The following RPRD1A variants were observed in gnomAD, a reference collection of about 807,000 sequenced individuals.
RPRD1A encodes the protein regulation of nuclear pre-mRNA domain containing 1A.
RPRD1A carries 9 observed loss-of-function variants against 37.8 expected under a neutral mutation model. That is an observed-to-expected ratio of 0.24 (90% confidence interval 0.14 to 0.42). RPRD1A has a LOEUF of 0.42. RPRD1A is among the 10% of genes least tolerant of loss of function. RPRD1A has a pLI of 1.00. For missense variants in RPRD1A, 255 were observed against 371.0 expected (o/e 0.69, Z 2.57); for synonymous variants, 138 against 139.7 (o/e 0.99, Z 0.08).
In RPRD1A at chr18:36,015,213, C is replaced by CTT. The variant is rs1198425451; in HGVS notation, c.789+11685_789+11686dup. On this transcript the variant is annotated intron_variant, in intron 6 of 6. Coordinates refer to ENST00000399022, the MANE Select transcript of RPRD1A (RefSeq NM_018170.5). ...ACACACACACACACACATTCACATA[C>CTT]TTTTTTTTTTTTTTTTTGAGACAGA... Among the ~76,000 whole-genome samples, 30 of 131,320 alleles carry CTT rather than the reference C, an allele frequency of 2.3e-4. 1 individual carries two copies. In the Middle Eastern group the frequency reaches 0.012, roughly 53 times the overall value. The allele number at this position is 131,320 out of a possible 152,430, so 86.2% of individuals were successfully genotyped here.
rs1336215714 is a variant in RPRD1A, at chr18:35,991,480, TAGTA to T, written c.*1667_*1670del. 1 of 152,210 alleles carries T rather than the reference TAGTA, an allele frequency of 6.6e-6. No homozygotes were observed. The highest frequency in any genetic ancestry group is 1.5e-5 in the Non-Finnish European group (1 of 68,044). 9.4% of individuals were successfully genotyped at this position (152,210 alleles called of 1,614,324 possible). The stretch of plus-strand genomic sequence containing the variant: ...ACAAATGCTGGTCAGGATCTATGAT[TAGTA>T]ACCTGTGAACCACGTTACAAGTGAA... On this transcript the variant is annotated 3_prime_UTR_variant, in exon 7 of 7. Coordinates refer to ENST00000399022, the MANE Select transcript of RPRD1A (RefSeq NM_018170.5).
At chr18:36,010,934 T>A (rs1015834416) in intron 6 of RPRD1A, among the ~76,000 whole-genome samples, 1 of 152,198 alleles carries the variant, frequency 6.6e-6, no homozygotes, top group Non-Finnish European at 1.5e-5. Flanking sequence ...ATCACTGAGA[T>A]ACTAAGATTT....
In RPRD1A at chr18:36,067,451, G is replaced by C; in HGVS notation, c.-47C>G. 3 of 1,568,808 alleles carry C rather than the reference G, an allele frequency of 1.9e-6. No individual in the cohort carries two copies. The highest frequency in any genetic ancestry group is 1.4e-5 in the African/African-American group (1 of 73,864). On this transcript the variant is annotated 5_prime_UTR_variant, in exon 1 of 7. Transcript: ENST00000399022. ...CCGTCCCACGCGGTGGGGCCGAGGG[G>C]AGGAGAGTTTCGCCGCCCTAGCTGC...
Position 36,041,548 on chromosome 18 carries a change from A to T in RPRD1A, c.152-7711T>A, listed in dbSNP as rs141735569. Among the ~76,000 whole-genome samples the T allele has an allele frequency of 8.5e-4, 130 of 152,378 alleles. 1 individual carries two copies. The highest frequency in any genetic ancestry group is 2.9e-3 in the African/African-American group (122 of 41,594). On this transcript the variant is annotated intron_variant, in intron 1 of 6. Transcript: ENST00000399022. ...AAAATGTAGTGCAACAAACAAATTA[A>T]AAACACACACTTGTGGAAATCAGCA...
chr18:36,046,243 A>AACATCCCT (rs1288465430), intron 1 of RPRD1A, among the ~76,000 whole-genome samples: 8 of 152,288 alleles, frequency 5.3e-5, no homozygotes, highest in African/African-American at 1.9e-4. Flanking sequence ...TAATGAGCCC[A>AACATCCCT]ACATCCCTAC....
At position 35,990,948 on chromosome 18, in the gene RPRD1A, A is replaced by G. The variant is rs1038032984; in HGVS notation, c.*2203T>C. ...TGTGGAGGATTGGTCGAGGGGTGGG[A>G]TTCAGGTTTTTGAGTACTATCACTT... On this transcript the variant is annotated 3_prime_UTR_variant, in exon 7 of 7. Coordinates refer to ENST00000399022, the MANE Select transcript of RPRD1A (RefSeq NM_018170.5). 1 of 152,156 alleles carries G rather than the reference A, an allele frequency of 6.6e-6. No individual in the cohort carries two copies. The highest frequency in any genetic ancestry group is 2.1e-4 in the South Asian group (1 of 4,828). 9.4% of individuals were successfully genotyped at this position (152,156 alleles called of 1,614,324 possible).
intron 1 of RPRD1A, among the ~76,000 whole-genome samples, chr18:36,037,198 A>C (rs184107596): frequency 3.7e-4 from 56 of 152,286 alleles, no homozygotes; most frequent in Non-Finnish European, 7.3e-4. Flanking sequence ...CTTGTGATAC[A>C]GTTTGGCTGT....
At chr18:36,034,648 C>T (rs369997979) in intron 1 of RPRD1A, among the ~76,000 whole-genome samples, 1 of 152,038 alleles carries the variant, frequency 6.6e-6, no homozygotes, top group Non-Finnish European at 1.5e-5. Flanking sequence ...CAATGTAGTA[C>T]AGTTATATTC....
At chr18:36,034,491 G>A (rs1356402697) in intron 1 of RPRD1A, among the ~76,000 whole-genome samples, 1 of 152,046 alleles carries the variant, frequency 6.6e-6, no homozygotes, top group Non-Finnish European at 1.5e-5. Context: ...AACAGTTGTG[G>A]GCCACAGTAC....
chr18:36,016,575 CTTT>C (rs1279670024), intron 6 of RPRD1A, among the ~76,000 whole-genome samples: 1 of 152,106 alleles, frequency 6.6e-6, no homozygotes, highest in African/African-American at 2.4e-5. Context: ...TCTCCTTTTG[CTTT>C]TTTTAAATTA....
chr18:36,037,821 C>G (rs1912304944), intron 1 of RPRD1A, among the ~76,000 whole-genome samples: 1 of 152,148 alleles, frequency 6.6e-6, no homozygotes, highest in South Asian at 2.1e-4. Context: ...AGGTGACTCT[C>G]ACTATGCTTT....
At chr18:36,002,120 CTT>C (rs1472857481) in intron 6 of RPRD1A, among the ~76,000 whole-genome samples, 1 of 149,614 alleles carries the variant, frequency 6.7e-6, no homozygotes, top group Non-Finnish European at 1.5e-5. Flanking sequence ...TTGGTGTTCT[CTT>C]GAGTTTCCTG....
chr18:36,046,544 T>C (rs1912964525), intron 1 of RPRD1A, among the ~76,000 whole-genome samples: 1 of 151,924 alleles, frequency 6.6e-6, no homozygotes, highest in African/African-American at 2.4e-5. Context: ...AAATCTACCA[T>C]CTTGGCTAAG....
chr18:36,036,062 T>C (rs1912170747), intron 1 of RPRD1A, among the ~76,000 whole-genome samples: 1 of 152,114 alleles, frequency 6.6e-6, no homozygotes, highest in East Asian at 1.9e-4. Context: ...ATGAAGATGG[T>C]AAATAATATT....
At chr18:36,022,520 A>G (rs1049053608) in intron 6 of RPRD1A, among the ~76,000 whole-genome samples, 22 of 152,246 alleles carry the variant, frequency 1.4e-4, no homozygotes, top group Admixed American at 1.4e-3. Context: ...GCCAATGTTC[A>G]TTTACCATTC....
At chr18:36,065,235 G>C (rs761453625) in intron 1 of RPRD1A, among the ~76,000 whole-genome samples, 1 of 152,130 alleles carries the variant, frequency 6.6e-6, no homozygotes, top group Non-Finnish European at 1.5e-5. Context: ...TTTTAATATA[G>C]GTATCTATAA....
At chr18:36,065,987 C>G (rs2089022424) in intron 1 of RPRD1A, among the ~76,000 whole-genome samples, 1 of 152,070 alleles carries the variant, frequency 6.6e-6, no homozygotes, top group Non-Finnish European at 1.5e-5. Flanking sequence ...CAAGATAAAC[C>G]TGTTACCGAT....
chr18:36,036,718 T>A (rs1024128524), intron 1 of RPRD1A, among the ~76,000 whole-genome samples: 22 of 152,042 alleles, frequency 1.4e-4, no homozygotes, highest in Non-Finnish European at 3.1e-4. Context: ...CAGCAAGCAA[T>A]CCAAGAAAAT....
chr18:35,996,582 G>A (rs904195540), intron 6 of RPRD1A, among the ~76,000 whole-genome samples: 4 of 152,030 alleles, frequency 2.6e-5, no homozygotes, highest in Non-Finnish European at 5.9e-5. Context: ...GTTATTTCTG[G>A]TCAAATGATA....
Sources: gnomAD v4.1 joint callset for allele counts (sites outside exome capture counted in the v4.1 genomes callset) on GRCh38, gnomAD v4.1.1 for gene constraint, MANE v1.5 for transcripts, NCBI Gene and HGNC (gene_info 2026-07-23, HGNC 2026-07-21) for gene names.